Variants in OSBPL9 observed in about 807,000 individuals in gnomAD.
OSBPL9 encodes the protein oxysterol binding protein like 9.
A neutral mutation model predicts 106.6 loss-of-function variants in OSBPL9; 40 were observed. The ratio of observed to expected loss-of-function variants is 0.38; its 90% confidence interval spans 0.29 to 0.49. OSBPL9 has a LOEUF of 0.49. OSBPL9 is among the 20% of genes least tolerant of loss of function. OSBPL9 has a pLI of 0.97. For synonymous variants in OSBPL9, 269 were observed against 295.4 expected, an observed-to-expected ratio of 0.91 and a Z score of 0.92; for missense variants, 609 against 887.2, an observed-to-expected ratio of 0.69 and a Z score of 3.98.
chr1:51,628,225 A>C (rs1362709334), intron 1 of OSBPL9, among the ~76,000 whole-genome samples: 1 of 152,200 alleles, frequency 6.6e-6, no homozygotes, highest in Non-Finnish European at 1.5e-5. Flanking sequence ...TTTATGCACA[A>C]ATACACATCT....
intron 1 of OSBPL9, among the ~76,000 whole-genome samples, chr1:51,644,528 A>G (rs1646024343): frequency 6.6e-6 from 1 of 152,008 alleles, no homozygotes; most frequent in African/African-American, 2.4e-5. Context: ...GGGTTTCACC[A>G]TGTTGGCCAG....
chr1:51,574,437 G>A (rs901390805), upstream of OSBPL9, among the ~76,000 whole-genome samples: 1 of 151,900 alleles, frequency 6.6e-6, no homozygotes, highest in Non-Finnish European at 1.5e-5. Context: ...GGCCAATATG[G>A]TGAAACCCTG....
intron 4 of OSBPL9, among the ~76,000 whole-genome samples, chr1:51,717,639 C>A (rs1370074104): frequency 5.3e-5 from 8 of 150,188 alleles, no homozygotes; most frequent in Non-Finnish European, 1.5e-5. Flanking sequence ...CAGACCAAAA[C>A]TACAATGAGA....
chr1:51,728,519 T>C (rs777802219), intron 4 of OSBPL9, among the ~76,000 whole-genome samples: 17 of 152,070 alleles, frequency 1.1e-4, no homozygotes, highest in Non-Finnish European at 2.1e-4. Context: ...TTAGGGTGGA[T>C]GATAGCAGTT....
chr1:51,597,453 G>A (rs978813011), intron 1 of OSBPL9, among the ~76,000 whole-genome samples: 1,707 of 148,136 alleles, frequency 0.012, 46 homozygotes, highest in African/African-American at 0.042. Context: ...GTGTGTGTGT[G>A]TGTGTGTATA....
At chr1:51,616,141 C>G (rs147591248), upstream of OSBPL9, among the ~76,000 whole-genome samples, 1 of 151,680 alleles carries the variant, frequency 6.6e-6, no homozygotes, top group Non-Finnish European at 1.5e-5. Context: ...TGCGCCACCA[C>G]GCCCAGATAA....
chr1:51,598,903 A>G (rs139955934), intron 2 of OSBPL9, among the ~76,000 whole-genome samples: 2,213 of 151,992 alleles, frequency 0.015, 57 homozygotes, highest in African/African-American at 0.048. Flanking sequence ...CTGAGGCAGG[A>G]GAATCACTTG....
the OSBPL9 span, among the ~76,000 whole-genome samples, chr1:51,546,375 A>G: frequency 6.6e-6 from 1 of 152,124 alleles, no homozygotes; most frequent in African/African-American, 2.4e-5. Flanking sequence ...CTGTTCAACA[A>G]AGAAGATTGT....
rs990733250 is a variant in OSBPL9 at position 51,626,527 on chromosome 1, CT to C, written c.111+9308del. Among the ~76,000 whole-genome samples the C allele has an allele frequency of 7.1e-4, 108 of 152,010 alleles. 1 individual carries two copies. Among genetic ancestry groups the C allele is most frequent in the African/African-American group, 2.6e-3 (106 of 41,466 alleles). ...TTGCTTTTTATTCTTTTTTTTCCCC[CT>C]TACAACCAGATCTCACTCTGTCACC... On this transcript the variant is annotated intron_variant, in intron 1 of 23. Coordinates refer to ENST00000428468, the MANE Select transcript of OSBPL9 (RefSeq NM_024586.6).
the OSBPL9 span, among the ~76,000 whole-genome samples, chr1:51,564,310 T>C: frequency 1.5e-4 from 23 of 152,176 alleles, no homozygotes; most frequent in Middle Eastern, 3.4e-3. Context: ...TTAAGTAAGA[T>C]GGGAATTTCC....
At chr1:51,534,581 T>C in the OSBPL9 span, among the ~76,000 whole-genome samples, 1 of 152,068 alleles carries the variant, frequency 6.6e-6, no homozygotes, top group Non-Finnish European at 1.5e-5. Flanking sequence ...TTGAAGTGGA[T>C]AAGAATTAAA....
the OSBPL9 span, among the ~76,000 whole-genome samples, chr1:51,556,428 C>A: frequency 6.6e-6 from 1 of 152,132 alleles, no homozygotes; most frequent in African/African-American, 2.4e-5. Flanking sequence ...CTGCCTTGAA[C>A]TCATGGAGTT....
At chr1:51,645,521 C>T (rs769222513) in intron 1 of OSBPL9, among the ~76,000 whole-genome samples, 2 of 151,794 alleles carry the variant, frequency 1.3e-5, no homozygotes, top group Non-Finnish European at 2.9e-5. Flanking sequence ...TTCTGTTGCC[C>T]AGGCTATGGT....
intron 2 of OSBPL9, among the ~76,000 whole-genome samples, chr1:51,669,013 A>G (rs528126619): frequency 2.6e-5 from 4 of 152,336 alleles, no homozygotes; most frequent in Admixed American, 6.5e-5. Flanking sequence ...ACAAGTATAT[A>G]CTATCACAGA....
intron 11 of OSBPL9, among the ~76,000 whole-genome samples, chr1:51,763,608 C>T (rs567132227): frequency 7.9e-5 from 12 of 151,972 alleles, no homozygotes; most frequent in African/African-American, 2.4e-4. Context: ...TTAAAAAATT[C>T]GAATTAGTAA....
At chr1:51,749,824 C>T (rs1176269695) in intron 7 of OSBPL9, among the ~76,000 whole-genome samples, 1 of 150,630 alleles carries the variant, frequency 6.6e-6, no homozygotes, top group East Asian at 1.9e-4. Flanking sequence ...ATAATTGTGC[C>T]TGTGAATAGC....
chr1:51,754,760 CTAA>C (rs1165579005), intron 8 of OSBPL9, among the ~76,000 whole-genome samples: 2 of 152,172 alleles, frequency 1.3e-5, no homozygotes, highest in African/African-American at 4.8e-5. Flanking sequence ...TAAAAATTTA[CTAA>C]TGAGATAGTT....
At chr1:51,733,298 G>C (rs866715717) in intron 4 of OSBPL9, among the ~76,000 whole-genome samples, 1 of 152,210 alleles carries the variant, frequency 6.6e-6, no homozygotes, top group Non-Finnish European at 1.5e-5. Context: ...TAGGTGTTCA[G>C]TAAGTGCTTA....
intron 16 of OSBPL9, chr1:51,781,554 T>G: frequency 4.4e-6 from 2 of 453,384 alleles, no homozygotes; most frequent in Non-Finnish European, 7.9e-6. Context: ...TTGCAAGGTC[T>G]TGTAGACCAT....
Sources: gnomAD v4.1 joint callset for allele counts (sites outside exome capture counted in the v4.1 genomes callset) on GRCh38, gnomAD v4.1.1 for gene constraint, MANE v1.5 for transcripts, NCBI Gene and HGNC (gene_info 2026-07-23, HGNC 2026-07-21) for gene names.